Variants in MYO3B observed in about 807,000 individuals in gnomAD.
MYO3B encodes the protein myosin IIIB.
In MYO3B, 156 loss-of-function variants were observed where a neutral mutation model predicts 174.6. The ratio of observed to expected loss-of-function variants is 0.89; its 90% CI spans 0.78 to 1.02. The LOEUF (loss-of-function observed/expected upper bound fraction) is 1.02, where lower values mean the gene tolerates loss of function less well. Ranked by LOEUF, MYO3B falls within the 50% of genes least tolerant of loss-of-function variation. The pLI, the probability that MYO3B is intolerant of heterozygous loss-of-function variation, is 0.00. For synonymous variants in MYO3B, 563 were observed against 569.1 expected, an observed-to-expected ratio of 0.99 and a Z score of 0.15; for missense variants, 1,632 against 1,639.4, an observed-to-expected ratio of 1.00 and a Z score of 0.08.
At chr2:170,289,128 T>C (rs978289255) in intron 7 of MYO3B, among the ~76,000 whole-genome samples, 12 of 152,136 alleles carry the variant, frequency 7.9e-5, no homozygotes, top group Non-Finnish European at 1.3e-4. Context: ...TGTTGAGCAT[T>C]TTTGTACATA....
chr2:170,469,409 G>A (rs1000542045), intron 25 of MYO3B, among the ~76,000 whole-genome samples: 10 of 152,138 alleles, frequency 6.6e-5, no homozygotes, highest in African/African-American at 1.4e-4. Context: ...CTTCCCAGTC[G>A]AGCTCGCTGG....
intron 7 of MYO3B, among the ~76,000 whole-genome samples, chr2:170,265,590 G>A (rs1052953665): frequency 2.6e-5 from 4 of 152,180 alleles, no homozygotes; most frequent in Non-Finnish European, 5.9e-5. Context: ...TCAGGTCAGA[G>A]GGATATCAAA....
chr2:170,529,057 A>G (rs6433210), intron 30 of MYO3B, among the ~76,000 whole-genome samples: 152,280 of 152,344 alleles, frequency 1, 76,110 homozygotes, highest in Middle Eastern at 1. Context: ...GTTTAATTTC[A>G]CCTGATAGCT....
At chr2:170,525,135 C>T (rs1472831261) in intron 30 of MYO3B, among the ~76,000 whole-genome samples, 1 of 152,130 alleles carries the variant, frequency 6.6e-6, no homozygotes, top group East Asian at 1.9e-4. Flanking sequence ...AATTCCAGCA[C>T]CCAGTTCTTG....
intron 25 of MYO3B, among the ~76,000 whole-genome samples, chr2:170,496,096 T>C (rs1575072886): frequency 6.6e-6 from 1 of 152,234 alleles, no homozygotes. Flanking sequence ...TAGCATCATC[T>C]GGTCTTGGCT....
intron 14 of MYO3B, among the ~76,000 whole-genome samples, chr2:170,387,741 T>G (rs1475583122): frequency 2.6e-5 from 4 of 152,154 alleles, no homozygotes; most frequent in Non-Finnish European, 5.9e-5. Flanking sequence ...TAGAAATCAA[T>G]AGCACAGACT....
chr2:170,576,938 A>G (rs1237913800), intron 32 of MYO3B, among the ~76,000 whole-genome samples: 1 of 152,172 alleles, frequency 6.6e-6, no homozygotes, highest in East Asian at 1.9e-4. Context: ...AAGTACTCAG[A>G]GAATATCCTG....
rs149990495 is a variant in MYO3B, at chr2:170,289,468, A to G, written c.750-45917A>G. 8.1e-3 allele frequency among the ~76,000 whole-genome samples: 1,236 copies of G among 152,116 alleles called. 21 individuals are homozygous for G. Among genetic ancestry groups the G allele is most frequent in the African/African-American group, 0.029 (1,191 of 41,530 alleles). On this transcript the variant is annotated intron_variant, in intron 7 of 34. Coordinates refer to ENST00000408978, the MANE Select transcript of MYO3B (RefSeq NM_138995.5). Reference sequence around the variant, plus strand: ...GTTCTATGATTCCGGGAGTTTATCCATTCTTCCAGGTTTTCCAATTCGTTG... The same window carrying G: ...GTTCTATGATTCCGGGAGTTTATCCGTTCTTCCAGGTTTTCCAATTCGTTG...
intron 32 of MYO3B, among the ~76,000 whole-genome samples, chr2:170,619,764 T>TTTTTG: frequency 1.4e-5 from 2 of 139,972 alleles, no homozygotes; most frequent in African/African-American, 5.7e-5. Flanking sequence ...TTTTTTTTTT[T>TTTTTG]GAGACAGAGT....
At chr2:170,487,277 T>G (rs1686128770) in intron 25 of MYO3B, among the ~76,000 whole-genome samples, 4 of 152,254 alleles carry the variant, frequency 2.6e-5, no homozygotes, top group Admixed American at 1.3e-4. Flanking sequence ...GTATACTCAT[T>G]GACCTTCCCA....
At chr2:170,355,958 TTTTTA>T (rs1308908337) in intron 8 of MYO3B, among the ~76,000 whole-genome samples, 2 of 151,840 alleles carry the variant, frequency 1.3e-5, no homozygotes, top group Admixed American at 6.6e-5. Flanking sequence ...TATTTATTTA[TTTTTA>T]TTTTATTTTA....
chr2:170,211,632 A>G (rs1461696502), intron 3 of MYO3B, among the ~76,000 whole-genome samples: 18 of 152,220 alleles, frequency 1.2e-4, no homozygotes. Flanking sequence ...GAAGAGAATC[A>G]GCAAATGGCA....
intron 1 of MYO3B, among the ~76,000 whole-genome samples, chr2:170,186,460 C>T (rs1270658062): frequency 1.3e-5 from 2 of 152,148 alleles, no homozygotes; most frequent in East Asian, 1.9e-4. Flanking sequence ...ACTTGCATTC[C>T]TGGGATAAAT....
chr2:170,444,062 G>T lies in MYO3B; in HGVS notation c.2730+16G>T. 6.2e-7 allele frequency: 1 copy of T among 1,608,232 alleles called. No homozygotes were observed. Among genetic ancestry groups the T allele is most frequent in the Non-Finnish European group, 8.5e-7 (1 of 1,175,232 alleles). On this transcript the variant is annotated intron_variant, in intron 23 of 34. Coordinates refer to ENST00000408978, the MANE Select transcript of MYO3B (RefSeq NM_138995.5). ...GAAAGCCAAGGTGAGTAACAGATTTGCACCAAATATAGTATGGACTGGCAG... is the reference window on the plus strand; with the variant it reads ...GAAAGCCAAGGTGAGTAACAGATTTTCACCAAATATAGTATGGACTGGCAG...
At chr2:170,419,544 G>A (rs1229187731) in intron 22 of MYO3B, among the ~76,000 whole-genome samples, 2 of 152,200 alleles carry the variant, frequency 1.3e-5, no homozygotes, top group South Asian at 4.1e-4. Context: ...GCTCCAACAT[G>A]GGAATTATGG....
chr2:170,302,750 C>T (rs1257082485), intron 7 of MYO3B, among the ~76,000 whole-genome samples: 1 of 152,018 alleles, frequency 6.6e-6, no homozygotes, highest in Non-Finnish European at 1.5e-5. Context: ...ATGAGTCCTG[C>T]AAAAAACAAT....
At chr2:170,234,190 AAAC>A (rs2093045645) in intron 6 of MYO3B, among the ~76,000 whole-genome samples, 1 of 25,450 alleles carries the variant, frequency 3.9e-5, no homozygotes, top group African/African-American at 2.6e-4. Flanking sequence ...AAAAAAAACA[AAAC>A]AAAACAAAAA....
At chr2:170,305,468 A>G (rs967103940) in intron 7 of MYO3B, among the ~76,000 whole-genome samples, 1 of 152,196 alleles carries the variant, frequency 6.6e-6, no homozygotes, top group Non-Finnish European at 1.5e-5. Context: ...TGATAATCTC[A>G]GAGGCAGTTT....
chr2:170,333,292 A>G (rs1251690548), intron 7 of MYO3B, among the ~76,000 whole-genome samples: 3 of 152,210 alleles, frequency 2.0e-5, no homozygotes, highest in Admixed American at 6.5e-5. Flanking sequence ...CTAGGACTGA[A>G]GCTGAACTTA....
Sources: gnomAD v4.1 joint callset for allele counts (sites outside exome capture counted in the v4.1 genomes callset) on GRCh38, gnomAD v4.1.1 for gene constraint, MANE v1.5 for transcripts, NCBI Gene and HGNC (gene_info 2026-07-23, HGNC 2026-07-21) for gene names.